Variants in LIPI observed in about 807,000 individuals in gnomAD.
The protein encoded by LIPI is lipase member I.
Under a neutral mutation model 50.6 loss-of-function variants are expected in LIPI, and 59 were observed. The ratio of observed to expected loss-of-function variants is 1.16; its 90% confidence interval spans 0.94 to 1.45. The LOEUF is 1.45. Among genes scored for constraint, LIPI ranks in the 40% most tolerant of loss-of-function variants. LIPI has a pLI of 0.00. For missense variants in LIPI, 586 were observed against 536.3 expected (o/e 1.09, Z -0.92); for synonymous variants, 203 against 178.2 (o/e 1.14, Z -1.11).
At chr21:14,138,929 A>G (rs2017605509) in intron 9 of LIPI, among the ~76,000 whole-genome samples, 1 of 152,116 alleles carries the variant, frequency 6.6e-6, no homozygotes, top group Non-Finnish European at 1.5e-5. Context: ...TCTGCAAAAT[A>G]GACTATAACT....
intron 9 of LIPI, among the ~76,000 whole-genome samples, chr21:14,137,259 C>T (rs947116429): frequency 5.3e-4 from 81 of 152,076 alleles, no homozygotes; most frequent in African/African-American, 1.8e-3. Context: ...GTAAACAATC[C>T]TGGAGAAACA....
intron 7 of LIPI, among the ~76,000 whole-genome samples, chr21:14,155,222 T>C: frequency 6.6e-6 from 1 of 151,988 alleles, no homozygotes; most frequent in East Asian, 1.9e-4. Context: ...TCACATGATA[T>C]ACTCAATAGT....
chr21:14,124,924 G>A (rs2016999292), intron 9 of LIPI, among the ~76,000 whole-genome samples: 1 of 152,136 alleles, frequency 6.6e-6, no homozygotes, highest in African/African-American at 2.4e-5. Flanking sequence ...GAACCCGGGA[G>A]GTGGAGGTTG....
Position 14,110,094 on chromosome 21 carries a change from TGATAAA to T in LIPI, c.1296-1020_1296-1015del, listed in dbSNP as rs1419512880. 1.2e-3 allele frequency among the ~76,000 whole-genome samples: 136 copies of T among 111,762 alleles called. 1 individual carries two copies. Among genetic ancestry groups the T allele is most frequent in the Admixed American group, 0.011 (116 of 10,762 alleles). 73.3% of individuals were successfully genotyped at this position (111,762 alleles called of 152,430 possible). The stretch of plus-strand genomic sequence containing the variant: ...ATTACCAAAAATGAACACATTACAT[TGATAAA>T]GTATAAGATTGATCTAAAATAATAA... On this transcript the variant is annotated intron_variant, in intron 9 of 9. Transcript: ENST00000681601.
At chr21:14,200,173 T>A (rs2020002773) in intron 1 of LIPI, among the ~76,000 whole-genome samples, 1 of 152,074 alleles carries the variant, frequency 6.6e-6, no homozygotes, top group African/African-American at 2.4e-5. Flanking sequence ...GCTGAAAGCA[T>A]TCCCCTTGAA....
chr21:14,142,515 G>T (rs1213070954), intron 9 of LIPI, among the ~76,000 whole-genome samples: 1 of 150,460 alleles, frequency 6.6e-6, no homozygotes, highest in Non-Finnish European at 1.5e-5. Flanking sequence ...ACAGTGTCCT[G>T]CTCTGTTGCT....
At chr21:14,186,627 G>A (rs1214420497) in intron 2 of LIPI, among the ~76,000 whole-genome samples, 4 of 152,166 alleles carry the variant, frequency 2.6e-5, no homozygotes, top group African/African-American at 9.7e-5. Context: ...CTGAATGTTT[G>A]TGTCTCCCTA....
chr21:14,196,929 G>A (rs1268979178), intron 1 of LIPI, among the ~76,000 whole-genome samples: 2 of 151,698 alleles, frequency 1.3e-5, no homozygotes, highest in Non-Finnish European at 2.9e-5. Flanking sequence ...CATAGTAAAG[G>A]TCCAATACTT....
intron 7 of LIPI, among the ~76,000 whole-genome samples, chr21:14,162,102 TATATC>T (rs941526333): frequency 2.7e-5 from 4 of 150,124 alleles, no homozygotes; most frequent in African/African-American, 9.8e-5. Context: ...TATTGATATA[TATATC>T]ATATCTCTGG....
In LIPI at chr21:14,189,039, G is replaced by C. The variant is rs2019553323; in HGVS notation, c.427C>G (p.Leu143Val). The change falls in exon 2 of 10, where the codon CTT (leucine) becomes GTT (valine). Residue 143 changes from leucine (L) to valine (V), a missense_variant. Leu to Val is a conservative substitution (Grantham distance 32). Coordinates refer to ENST00000681601, the MANE Select transcript of LIPI (RefSeq NM_001302998.2). ...CATAAAATTCCCAGACTTACCAAAA[G>C]ATTTTTAATGTGCACACTCAAACTC... Reference protein sequence around the residue: ...AVSLSVHIKNLLKHGASLDNF... With the variant: ...AVSLSVHIKNVLKHGASLDNF... 6.2e-7 allele frequency: 1 copy of C among 1,603,846 alleles called. No individual in the cohort carries two copies. Among genetic ancestry groups the C allele is most frequent in the African/African-American group, 1.3e-5 (1 of 74,896 alleles).
At chr21:14,123,073 C>A (rs1291548598) in intron 9 of LIPI, among the ~76,000 whole-genome samples, 1 of 152,102 alleles carries the variant, frequency 6.6e-6, no homozygotes, top group Non-Finnish European at 1.5e-5. Context: ...CCCTGGGAGG[C>A]TAGAAAACTA....
chr21:14,189,950 G>A (rs1050722708), intron 1 of LIPI, among the ~76,000 whole-genome samples: 5 of 151,912 alleles, frequency 3.3e-5, no homozygotes, highest in Admixed American at 2.6e-4. Flanking sequence ...ACATTCCTTT[G>A]AAATTTTGCA....
intron 7 of LIPI, 34 bp from the exon 8 acceptor site, chr21:14,152,718 TA>T (rs1568852454): frequency 1.8e-6 from 2 of 1,115,950 alleles, no homozygotes; most frequent in South Asian, 1.3e-5. Flanking sequence ...CAACTCACAT[TA>T]TTTTTTAATT....
intron 4 of LIPI, among the ~76,000 whole-genome samples, chr21:14,178,772 T>A (rs1032617469): frequency 2.4e-4 from 37 of 152,208 alleles, no homozygotes; most frequent in African/African-American, 8.2e-4. Context: ...TTGCTCCAAG[T>A]GTGCCTGGCT....
At chr21:14,143,774 T>C (rs930326224) in intron 9 of LIPI, 1 of 152,238 alleles carries the variant, frequency 6.6e-6, no homozygotes, top group African/African-American at 2.4e-5. Flanking sequence ...TCAATGGAAA[T>C]ATGGATTCTT....
chr21:14,124,419 C>A (rs2016977361), intron 9 of LIPI, among the ~76,000 whole-genome samples: 1 of 152,130 alleles, frequency 6.6e-6, no homozygotes. Flanking sequence ...CTCCCCCGAC[C>A]CCGCCCCGGT....
intron 9 of LIPI, among the ~76,000 whole-genome samples, chr21:14,140,911 C>G (rs1600854263): frequency 6.6e-6 from 1 of 152,150 alleles, no homozygotes; most frequent in Non-Finnish European, 1.5e-5. Flanking sequence ...CAAGCAACAT[C>G]TACCTTAGAT....
chr21:14,157,915 G>C (rs1037736397), intron 7 of LIPI, among the ~76,000 whole-genome samples: 3 of 151,800 alleles, frequency 2.0e-5, no homozygotes, highest in Non-Finnish European at 2.9e-5. Flanking sequence ...CTGTATTTGA[G>C]GGGGAGGTAA....
chr21:14,120,442 C>T (rs2016821015), intron 9 of LIPI, among the ~76,000 whole-genome samples: 1 of 152,044 alleles, frequency 6.6e-6, no homozygotes, highest in Admixed American at 6.5e-5. Context: ...CTGTTAACTA[C>T]TGAAGGAAAG....
Sources: gnomAD v4.1 joint callset for allele counts (sites outside exome capture counted in the v4.1 genomes callset) on GRCh38, gnomAD v4.1.1 for gene constraint, MANE v1.5 for transcripts, NCBI Gene and HGNC (gene_info 2026-07-23, HGNC 2026-07-21) for gene names.